SMOC2: variants seen among roughly 807,000 people sequenced by gnomAD.
SMOC2 encodes SPARC-related modular calcium-binding protein 2.
SMOC2 carries 39 observed loss-of-function variants against 61.4 expected under a neutral mutation model. That is an observed-to-expected ratio of 0.64 (90% CI 0.49 to 0.83). The LOEUF is 0.83. SMOC2 is among the 40% of genes least tolerant of loss of function. The probability of loss-of-function intolerance (pLI) is 0.00; values close to 1 mark genes in which losing one functional copy is unlikely to be tolerated. For synonymous variants in SMOC2, 247 were observed against 239.9 expected (o/e 1.03, Z -0.27); for missense variants, 556 against 592.9 (o/e 0.94, Z 0.65).
intron 4 of SMOC2, among the ~76,000 whole-genome samples, chr6:168,532,736 G>A (rs1309007458): frequency 1.3e-5 from 2 of 152,196 alleles, no homozygotes. Flanking sequence ...TTTGAAGGAA[G>A]CTACAGGTTT....
chr6:168,483,110 A>C (rs1293870452), intron 1 of SMOC2, among the ~76,000 whole-genome samples: 1 of 152,046 alleles, frequency 6.6e-6, no homozygotes, highest in Non-Finnish European at 1.5e-5. Flanking sequence ...CACATTGGAA[A>C]GGGAGAAGTA....
intron 1 of SMOC2, among the ~76,000 whole-genome samples, chr6:168,503,013 G>C (rs903968009): frequency 6.8e-6 from 1 of 147,734 alleles, no homozygotes; most frequent in South Asian, 2.1e-4. Flanking sequence ...TGATCTGCCT[G>C]CCTTGGCCTC....
chr6:168,658,425 T>C (rs1398084964), intron 11 of SMOC2, among the ~76,000 whole-genome samples: 1 of 151,384 alleles, frequency 6.6e-6, no homozygotes, highest in Non-Finnish European at 1.5e-5. Flanking sequence ...TCTTCTTCCA[T>C]TCCTGGGTGG....
intron 7 of SMOC2, among the ~76,000 whole-genome samples, chr6:168,563,617 A>C (rs1009742925): frequency 1.1e-4 from 17 of 152,034 alleles, no homozygotes; most frequent in African/African-American, 4.1e-4. Flanking sequence ...TGAGGTTGTG[A>C]GGGCAATGGG....
At chr6:168,495,877 CCCTCCTTGG>C (rs1345751745) in intron 1 of SMOC2, among the ~76,000 whole-genome samples, 1 of 152,242 alleles carries the variant, frequency 6.6e-6, no homozygotes, top group Non-Finnish European at 1.5e-5. Context: ...GCCCGCCCTG[CCCTCCTTGG>C]CCTCCTCACC....
chr6:168,471,853 C>A (rs1008753821), intron 1 of SMOC2, among the ~76,000 whole-genome samples: 1 of 152,166 alleles, frequency 6.6e-6, no homozygotes, highest in African/African-American at 2.4e-5. Flanking sequence ...TGATGTTGAG[C>A]ATCTTTTCTT....
chr6:168,509,421 G>A (rs1347759097), intron 1 of SMOC2, among the ~76,000 whole-genome samples: 1 of 152,184 alleles, frequency 6.6e-6, no homozygotes, highest in African/African-American at 2.4e-5. Flanking sequence ...TACCTTCAGA[G>A]AATGTAGATG....
chr6:168,627,783 C>T lies in SMOC2; in HGVS notation c.907+19544C>T, dbSNP rs140563146. Among the ~76,000 whole-genome samples the T allele has an allele frequency of 1.2e-4, 19 of 152,258 alleles. No homozygotes were observed. In the East Asian group the frequency reaches 1.4e-3, roughly 11 times the overall value. The stretch of plus-strand genomic sequence containing the variant: ...ACTGTACTGCACAGCTGTGAGGGCA[C>T]GTGCAAGGGATCCTTTCAAACTGTG... On this transcript the variant is annotated intron_variant, in intron 9 of 12. Transcript: ENST00000356284.
rs59525128 is a variant in SMOC2, at chr6:168,447,578, C to T, written c.84+6124C>T. ...TCCTATCCCTGCCCTAGCCCCCAGCCGAGGGCAGACATTTTTGGGGGGAAA... is the reference window on the plus strand; with the variant it reads ...TCCTATCCCTGCCCTAGCCCCCAGCTGAGGGCAGACATTTTTGGGGGGAAA... On this transcript the variant is annotated intron_variant, in intron 1 of 12. Coordinates refer to ENST00000356284, the MANE Select transcript of SMOC2 (RefSeq NM_001166412.2). Among the ~76,000 whole-genome samples the T allele has an allele frequency of 4.4e-3, 675 of 152,246 alleles. 7 individuals are homozygous for T. The highest frequency in any genetic ancestry group is 0.014 in the African/African-American group (592 of 41,544).
At chr6:168,661,187 A>G (rs1787501661) in intron 11 of SMOC2, among the ~76,000 whole-genome samples, 2 of 152,208 alleles carry the variant, frequency 1.3e-5, no homozygotes, top group East Asian at 1.9e-4. Context: ...TACAATAGTG[A>G]AAAGTCAGAA....
At chr6:168,625,993 G>C (rs1382822337) in intron 9 of SMOC2, among the ~76,000 whole-genome samples, 1 of 152,212 alleles carries the variant, frequency 6.6e-6, no homozygotes, top group Non-Finnish European at 1.5e-5. Flanking sequence ...CTATTCTGCA[G>C]TGAGCAAGGC....
At chr6:168,491,334 A>G (rs1353682303) in intron 1 of SMOC2, among the ~76,000 whole-genome samples, 2 of 152,198 alleles carry the variant, frequency 1.3e-5, no homozygotes, top group Non-Finnish European at 2.9e-5. Flanking sequence ...GGATGCTAAG[A>G]TAATGCAAAG....
intron 1 of SMOC2, among the ~76,000 whole-genome samples, chr6:168,500,379 A>C (rs2115041432): frequency 6.6e-6 from 1 of 151,592 alleles, no homozygotes; most frequent in African/African-American, 2.4e-5. Flanking sequence ...AAGTAGGAGG[A>C]GAGGGAACTC....
intron 2 of SMOC2, among the ~76,000 whole-genome samples, chr6:168,513,341 G>A (rs78037857): frequency 1.0e-4 from 4 of 39,052 alleles, no homozygotes; most frequent in Admixed American, 3.2e-4. Context: ...TGTCCTTATA[G>A]GTTTTTTTTT....
chr6:168,514,072 G>A (rs1783072484), intron 2 of SMOC2, among the ~76,000 whole-genome samples: 1 of 152,178 alleles, frequency 6.6e-6, no homozygotes, highest in Non-Finnish European at 1.5e-5. Context: ...AGAGCCCAGT[G>A]GTGCCTACTT....
At chr6:168,446,495 T>C (rs2609334) in intron 1 of SMOC2, among the ~76,000 whole-genome samples, 25,773 of 152,290 alleles carry the variant, frequency 0.17, 2,829 homozygotes, top group Non-Finnish European at 0.23. Flanking sequence ...CCAGCCCTTA[T>C]GTTTCTCCAA....
chr6:168,582,246 T>TCCAG, intron 7 of SMOC2, among the ~76,000 whole-genome samples: 1 of 152,082 alleles, frequency 6.6e-6, no homozygotes, highest in Non-Finnish European at 1.5e-5. Flanking sequence ...AGGGATGTCA[T>TCCAG]GGATTGGTTT....
intron 7 of SMOC2, among the ~76,000 whole-genome samples, chr6:168,549,654 G>T (rs562856682): frequency 5.3e-5 from 8 of 152,242 alleles, no homozygotes; most frequent in African/African-American, 9.6e-5. Context: ...ATAAATCCTT[G>T]TAACAGTGGA....
chr6:168,545,787 C>T (rs1470173935), intron 5 of SMOC2, among the ~76,000 whole-genome samples: 2 of 152,178 alleles, frequency 1.3e-5, no homozygotes, highest in East Asian at 3.9e-4. Context: ...GAGGCCTCAG[C>T]AAAAACACAC....
Sources: gnomAD v4.1 joint callset for allele counts (sites outside exome capture counted in the v4.1 genomes callset) on GRCh38, gnomAD v4.1.1 for gene constraint, MANE v1.5 for transcripts, NCBI Gene and HGNC (gene_info 2026-07-23, HGNC 2026-07-21) for gene names.